B3GALT1: variants seen among roughly 807,000 people sequenced by gnomAD.
The protein encoded by B3GALT1 is UDP-Gal:betaGlcNAc beta 1,3-galactosyltransferase, polypeptide 1.
B3GALT1 carries 10 observed loss-of-function variants against 23.2 expected under a neutral mutation model. The ratio of observed to expected loss-of-function variants is 0.43; its 90% CI spans 0.27 to 0.73. The LOEUF is 0.73. B3GALT1 is among the 30% of genes least tolerant of loss of function. The probability of loss-of-function intolerance (pLI) is 0.21; values close to 1 mark genes in which losing one functional copy is unlikely to be tolerated. For synonymous variants in B3GALT1, 156 were observed against 141.5 expected, an observed-to-expected ratio of 1.10 and a Z score of -0.73; for missense variants, 299 against 405.4, an observed-to-expected ratio of 0.74 and a Z score of 2.25.
chr2:167,589,052 C>T (rs1684628767), intron 2 of B3GALT1, among the ~76,000 whole-genome samples: 1 of 152,032 alleles, frequency 6.6e-6, no homozygotes. Context: ...AGAGATCCTC[C>T]CAACTTAGCT....
rs12622080 is a variant in B3GALT1, at chr2:167,336,732, T to G, written c.-511+43398T>G. On this transcript the variant is annotated intron_variant, in intron 1 of 4. Coordinates refer to ENST00000392690, the MANE Select transcript of B3GALT1 (RefSeq NM_020981.4). ...CCGGAAGATGCAGTAGATGTAGTAT[T>G]TTATTTATTTATAAATTTATTTATT... is the stretch of plus-strand genomic sequence containing the variant. Among the ~76,000 whole-genome samples, 253 of 152,252 alleles carry G rather than the reference T, an allele frequency of 1.7e-3. 11 individuals are homozygous for G. In the East Asian group the frequency reaches 0.046, roughly 28 times the overall value.
intron 1 of B3GALT1, among the ~76,000 whole-genome samples, chr2:167,340,014 A>G (rs1387313958): frequency 1.3e-5 from 2 of 152,174 alleles, no homozygotes; most frequent in Admixed American, 1.3e-4. Flanking sequence ...ACATTTTTCA[A>G]CTCTGACATT....
intron 1 of B3GALT1, among the ~76,000 whole-genome samples, chr2:167,361,562 C>G (rs1697500334): frequency 6.6e-6 from 1 of 152,122 alleles, no homozygotes; most frequent in African/African-American, 2.4e-5. Flanking sequence ...ATATGCACAG[C>G]AGATTGTAAT....
At chr2:167,505,597 G>T (rs1342775953) in intron 2 of B3GALT1, among the ~76,000 whole-genome samples, 1 of 152,152 alleles carries the variant, frequency 6.6e-6, no homozygotes, top group Non-Finnish European at 1.5e-5. Flanking sequence ...TTGATCATGA[G>T]GTGTTCAGTG....
intron 1 of B3GALT1, among the ~76,000 whole-genome samples, chr2:167,406,840 A>T: frequency 6.6e-6 from 1 of 152,138 alleles, no homozygotes; most frequent in South Asian, 2.1e-4. Context: ...CAGCCTTCCG[A>T]TCCTGCTGGG....
At chr2:167,652,870 A>G (rs1189244245) in intron 3 of B3GALT1, among the ~76,000 whole-genome samples, 1 of 152,154 alleles carries the variant, frequency 6.6e-6, no homozygotes, top group African/African-American at 2.4e-5. Flanking sequence ...CCACATTTTC[A>G]TACATCTTTT....
At chr2:167,760,575 A>G (rs560958203) in intron 3 of B3GALT1, among the ~76,000 whole-genome samples, 9 of 152,336 alleles carry the variant, frequency 5.9e-5, no homozygotes, top group Admixed American at 5.2e-4. Flanking sequence ...CAACAACATC[A>G]CAGTCACCGT....
chr2:167,735,051 A>G (rs1379269935), intron 3 of B3GALT1, among the ~76,000 whole-genome samples: 2 of 152,198 alleles, frequency 1.3e-5, no homozygotes, highest in Non-Finnish European at 2.9e-5. Context: ...ATTTTAAACA[A>G]TCACTCCAAC....
At chr2:167,779,255 C>T (rs918206431) in intron 3 of B3GALT1, among the ~76,000 whole-genome samples, 1 of 151,788 alleles carries the variant, frequency 6.6e-6, no homozygotes, top group Non-Finnish European at 1.5e-5. Context: ...AAACAAGCCA[C>T]GTAGCAGAAG....
At chr2:167,500,264 A>G (rs891325451) in intron 2 of B3GALT1, among the ~76,000 whole-genome samples, 1 of 152,206 alleles carries the variant, frequency 6.6e-6, no homozygotes, top group East Asian at 1.9e-4. Context: ...TTATCGAGAC[A>G]TAGGTCCCAA....
At chr2:167,617,440 A>G (rs931747435) in intron 2 of B3GALT1, among the ~76,000 whole-genome samples, 1 of 151,968 alleles carries the variant, frequency 6.6e-6, no homozygotes, top group South Asian at 2.1e-4. Flanking sequence ...CTGGGAGAGA[A>G]TTCACCCTCA....
At chr2:167,360,898 AC>A (rs2105262659) in intron 1 of B3GALT1, among the ~76,000 whole-genome samples, 1 of 151,972 alleles carries the variant, frequency 6.6e-6, no homozygotes, top group Non-Finnish European at 1.5e-5. Flanking sequence ...CCATCATTCT[AC>A]TCTCTAACTC....
At chr2:167,812,987 A>AC (rs1574276357) in intron 3 of B3GALT1, among the ~76,000 whole-genome samples, 8 of 74,454 alleles carry the variant, frequency 1.1e-4, no homozygotes, top group African/African-American at 4.1e-4. Flanking sequence ...ACGCACCACC[A>AC]CCACCCCCAC....
chr2:167,685,475 A>T (rs1156345890), intron 3 of B3GALT1, among the ~76,000 whole-genome samples: 1 of 152,188 alleles, frequency 6.6e-6, no homozygotes, highest in African/African-American at 2.4e-5. Flanking sequence ...AGCGCTTCTG[A>T]GAAGGCCTTT....
chr2:167,616,483 C>T (rs1327689451), intron 2 of B3GALT1, among the ~76,000 whole-genome samples: 1 of 151,964 alleles, frequency 6.6e-6, no homozygotes, highest in Non-Finnish European at 1.5e-5. Context: ...TGGATGATCA[C>T]TTGAGGTCAG....
intron 1 of B3GALT1, among the ~76,000 whole-genome samples, chr2:167,470,163 C>T (rs1296106830): frequency 6.6e-6 from 1 of 152,146 alleles, no homozygotes; most frequent in East Asian, 1.9e-4. Flanking sequence ...TTCTGCTATA[C>T]CCATAGGGTG....
At chr2:167,365,589 C>T (rs1214414207) in intron 1 of B3GALT1, among the ~76,000 whole-genome samples, 5 of 137,740 alleles carry the variant, frequency 3.6e-5, no homozygotes, top group Non-Finnish European at 7.6e-5. Context: ...TACAAATACA[C>T]ACACACACAC....
intron 1 of B3GALT1, among the ~76,000 whole-genome samples, chr2:167,485,119 G>C (rs897700815): frequency 6.6e-6 from 1 of 152,042 alleles, no homozygotes; most frequent in Admixed American, 6.6e-5. Flanking sequence ...GTTTACTTTG[G>C]AATCCTCTTG....
chr2:167,679,429 T>C (rs553939758), intron 3 of B3GALT1, among the ~76,000 whole-genome samples: 30 of 152,098 alleles, frequency 2.0e-4, no homozygotes, highest in Non-Finnish European at 3.8e-4. Flanking sequence ...AATTTTTGTA[T>C]TATTAGTAGA....
Sources: gnomAD v4.1 joint callset for allele counts (sites outside exome capture counted in the v4.1 genomes callset) on GRCh38, gnomAD v4.1.1 for gene constraint, MANE v1.5 for transcripts, NCBI Gene and HGNC (gene_info 2026-07-23, HGNC 2026-07-21) for gene names.